The following EFR3B variants were observed in gnomAD, a reference collection of about 807,000 sequenced individuals.
EFR3B encodes the protein EFR3 homolog B.
A neutral mutation model predicts 104.7 loss-of-function variants in EFR3B; 64 were observed. That is an observed-to-expected ratio of 0.61 (90% CI 0.50 to 0.75). The LOEUF is 0.75. EFR3B is among the 30% of genes least tolerant of loss of function. EFR3B has a pLI of 0.00. For missense variants in EFR3B, 750 were observed against 1,078.5 expected, an observed-to-expected ratio of 0.70 and a Z score of 4.27; for synonymous variants, 385 against 417.9, an observed-to-expected ratio of 0.92 and a Z score of 0.96.
At chr2:25,089,680 C>T (rs532857065) in intron 1 of EFR3B, among the ~76,000 whole-genome samples, 16 of 152,244 alleles carry the variant, frequency 1.1e-4, no homozygotes, top group African/African-American at 3.8e-4. Flanking sequence ...AGAAATAACC[C>T]TGGATGCCAA....
intron 4 of EFR3B, among the ~76,000 whole-genome samples, chr2:25,107,107 A>ATTCT (rs1264615647): frequency 6.6e-6 from 1 of 152,118 alleles, no homozygotes; most frequent in Non-Finnish European, 1.5e-5. Flanking sequence ...TTAGACAGTG[A>ATTCT]TTCTTTCGGC....
At chr2:25,081,112 C>T (rs540197762) in intron 1 of EFR3B, 1 of 692,462 alleles carries the variant, frequency 1.4e-6, no homozygotes, top group East Asian at 2.5e-5. Flanking sequence ...TAGTCTTCTC[C>T]CCTAGGGTAT....
intron 3 of EFR3B, among the ~76,000 whole-genome samples, chr2:25,098,363 A>G (rs1202356642): frequency 6.6e-6 from 1 of 152,054 alleles, no homozygotes; most frequent in Non-Finnish European, 1.5e-5. Context: ...TTTCCTCTCC[A>G]ACTAAGCCTG....
At chr2:25,050,094 C>T (rs1397681614) in intron 1 of EFR3B, among the ~76,000 whole-genome samples, 1 of 150,026 alleles carries the variant, frequency 6.7e-6, no homozygotes, top group Non-Finnish European at 1.5e-5. Flanking sequence ...CGTGCCATTG[C>T]ACACCAGCCT....
At chr2:25,079,896 T>G in intron 1 of EFR3B, 6 of 1,353,018 alleles carry the variant, frequency 4.4e-6, no homozygotes, top group South Asian at 3.5e-5. Context: ...CTCTGGGTTT[T>G]CAGATCATAT....
chr2:25,108,702 A>G (rs1354074410), intron 4 of EFR3B, among the ~76,000 whole-genome samples: 2 of 152,240 alleles, frequency 1.3e-5, no homozygotes, highest in African/African-American at 4.8e-5. Context: ...GGACTTCGTC[A>G]AAATTTAAAA....
chr2:25,082,165 A>G (rs1441011291), intron 1 of EFR3B, among the ~76,000 whole-genome samples: 1 of 152,260 alleles, frequency 6.6e-6, no homozygotes, highest in Non-Finnish European at 1.5e-5. Flanking sequence ...ACCTTGTGGC[A>G]CTTCTCACCC....
chr2:25,049,139 C>T (rs1226736667), intron 1 of EFR3B, among the ~76,000 whole-genome samples: 1 of 152,224 alleles, frequency 6.6e-6, no homozygotes, highest in African/African-American at 2.4e-5. Flanking sequence ...TATAAAATCA[C>T]CTATCTCCCT....
rs2149160114 is a variant in EFR3B, at chr2:25,042,621, T to A, written c.7+302T>A. 8.6e-7 allele frequency: 1 copy of A among 1,165,456 alleles called. No homozygotes were observed. Among genetic ancestry groups the A allele is most frequent in the East Asian group, 3.9e-5 (1 of 25,756 alleles). 72.2% of individuals were successfully genotyped at this position (1,165,456 alleles called of 1,614,324 possible). ...CCGGAGCCGAGCAGACCGGGAGTGCTGGAGGAGGTGGTCGTGTGGCAGCAT... is the reference window on the plus strand; with the variant it reads ...CCGGAGCCGAGCAGACCGGGAGTGCAGGAGGAGGTGGTCGTGTGGCAGCAT... On this transcript the variant is annotated intron_variant, in intron 1 of 22. Transcript: ENST00000403714. The surrounding 1 kb of genome is among the most constrained non-coding windows in gnomAD (Gnocchi z 5.4).
chr2:25,149,821 GAC>G, intron 20 of EFR3B, 79 bp downstream of exon 20: 3 of 1,301,474 alleles, frequency 2.3e-6, no homozygotes, highest in Non-Finnish European at 3.3e-6. Flanking sequence ...GATGCAGCAG[GAC>G]ACACCACCCT....
intron 1 of EFR3B, among the ~76,000 whole-genome samples, chr2:25,055,130 A>G (rs1252471451): frequency 6.6e-6 from 1 of 152,178 alleles, no homozygotes; most frequent in Non-Finnish European, 1.5e-5. Context: ...GGAGTTCAAT[A>G]ACTTACCCAA....
In EFR3B at chr2:25,095,029, A is replaced by C. The variant is rs568273933; in HGVS notation, c.212+1899A>C. ...TGGTCTGGAACTCCCAGGCTCAAGC[A>C]ATCCTCCCGCCTCAGCCTGCCAAAG... On this transcript the variant is annotated intron_variant, in intron 3 of 22. Coordinates refer to ENST00000403714, the MANE Select transcript of EFR3B (RefSeq NM_014971.2). 1.1e-4 allele frequency among the ~76,000 whole-genome samples: 16 copies of C among 152,158 alleles called. No individual in the cohort carries two copies. In the South Asian group the frequency reaches 2.5e-3, roughly 24 times the overall value.
chr2:25,126,548 CG>C (rs1670174126), intron 5 of EFR3B, among the ~76,000 whole-genome samples: 1 of 151,974 alleles, frequency 6.6e-6, no homozygotes, highest in Admixed American at 6.6e-5. Flanking sequence ...TTAGTAGAGA[CG>C]GGGTTTCACC....
chr2:25,117,057 G>T (rs138936261), intron 4 of EFR3B, among the ~76,000 whole-genome samples: 30 of 152,260 alleles, frequency 2.0e-4, no homozygotes, highest in African/African-American at 7.0e-4. Context: ...TGGCGCCACG[G>T]CTCGCTGAGG....
intron 18 of EFR3B, among the ~76,000 whole-genome samples, 171 bp downstream of exon 18, chr2:25,144,033 C>T (rs1670749770): frequency 6.6e-6 from 1 of 152,208 alleles, no homozygotes; most frequent in African/African-American, 2.4e-5. Context: ...GATTGCCCCA[C>T]CTCTCCTCCT....
At chr2:25,045,852 C>G (rs1244172158) in intron 1 of EFR3B, among the ~76,000 whole-genome samples, 1 of 152,046 alleles carries the variant, frequency 6.6e-6, no homozygotes, top group Non-Finnish European at 1.5e-5. Flanking sequence ...CATCCCGTTT[C>G]CCCGCTGAGG....
intron 5 of EFR3B, among the ~76,000 whole-genome samples, chr2:25,126,364 T>C (rs953445902): frequency 1.2e-4 from 17 of 140,776 alleles, no homozygotes; most frequent in African/African-American, 4.2e-4. Flanking sequence ...AATTTCTTTC[T>C]TTTTTTTTTT....
chr2:25,133,577 TA>T (rs1189350511), intron 12 of EFR3B, 143 bp downstream of exon 12: 1 of 914,634 alleles, frequency 1.1e-6, no homozygotes, highest in Non-Finnish European at 1.7e-6. Context: ...GGCTGAAATC[TA>T]GCCTACGTTC....
intron 1 of EFR3B, among the ~76,000 whole-genome samples, chr2:25,046,812 A>C (rs1667734221): frequency 1.3e-5 from 2 of 152,166 alleles, no homozygotes; most frequent in South Asian, 4.1e-4. Context: ...CGAAGTACAA[A>C]GTCTTACTCT....
Sources: allele counts gnomAD v4.1 joint callset (sites outside exome capture counted in the v4.1 genomes callset), GRCh38; gene constraint gnomAD v4.1.1; non-coding constraint Gnocchi (gnomAD v3.1); transcripts MANE v1.5; gene names NCBI Gene and HGNC (gene_info 2026-07-23, HGNC 2026-07-21).